Variants in LAMA2 observed in about 807,000 individuals in gnomAD.
The protein encoded by LAMA2 is laminin subunit alpha 2, also known as laminin subunit alpha-2.
LAMA2 carries 269 observed loss-of-function variants against 364.8 expected under a neutral mutation model. The observed-to-expected ratio is 0.74, with a 90% CI of 0.67 to 0.82. The LOEUF (loss-of-function observed/expected upper bound fraction) is 0.82, where lower values mean the gene tolerates loss of function less well. Ranked by LOEUF, LAMA2 falls within the 40% of genes least tolerant of loss-of-function variation. LAMA2 has a pLI of 0.00. For missense variants in LAMA2, 3,807 were observed against 3,873.2 expected (o/e 0.98, Z 0.45); for synonymous variants, 1,379 against 1,370.6 (o/e 1.01, Z -0.14).
chr6:129,386,219 A>G (rs1779006861), intron 35 of LAMA2, among the ~76,000 whole-genome samples: 1 of 152,130 alleles, frequency 6.6e-6, no homozygotes, highest in Non-Finnish European at 1.5e-5. Context: ...ATCATTTTCA[A>G]TACTGTGGGA....
At chr6:129,282,791 T>C (rs1004986724) in intron 18 of LAMA2, among the ~76,000 whole-genome samples, 1 of 152,192 alleles carries the variant, frequency 6.6e-6, no homozygotes, top group African/African-American at 2.4e-5. Flanking sequence ...TTTTTCCATC[T>C]GCCTTTCCAA....
intron 1 of LAMA2, among the ~76,000 whole-genome samples, chr6:128,935,064 G>A (rs1336011631): frequency 6.6e-6 from 1 of 151,774 alleles, no homozygotes; most frequent in East Asian, 1.9e-4. Context: ...TATTGCTTTG[G>A]TTTCTTATTA....
intron 3 of LAMA2, among the ~76,000 whole-genome samples, chr6:129,095,914 C>G (rs768491498): frequency 1.3e-5 from 2 of 149,690 alleles, no homozygotes; most frequent in Non-Finnish European, 1.5e-5. Flanking sequence ...CAGAGCAGGA[C>G]GCAGTCTGGA....
intron 3 of LAMA2, among the ~76,000 whole-genome samples, chr6:129,085,222 G>A (rs1249192591): frequency 6.6e-6 from 1 of 152,192 alleles, no homozygotes; most frequent in Admixed American, 6.5e-5. Flanking sequence ...AGAATTTCAT[G>A]ACATTTTGTC....
chr6:128,983,083 G>T (rs1251191535), intron 1 of LAMA2, among the ~76,000 whole-genome samples: 1 of 151,872 alleles, frequency 6.6e-6, no homozygotes, highest in Non-Finnish European at 1.5e-5. Flanking sequence ...ACGTGTGCAT[G>T]TGTCTTTATA....
rs185964256 is a variant in LAMA2 at position 129,220,977 on chromosome 6, C to T, written c.1782+28124C>T. On this transcript the variant is annotated intron_variant, in intron 12 of 64. Coordinates refer to ENST00000421865, the MANE Select transcript of LAMA2 (RefSeq NM_000426.4). The stretch of plus-strand genomic sequence containing the variant: ...AGGAGTTCAAGACCAGCCTTGCCAA[C>T]GCGGTGAAACCCTGTCTCTACTAAA... 1.5e-4 allele frequency among the ~76,000 whole-genome samples: 23 copies of T among 152,178 alleles called. 2 individuals carry two copies. Among genetic ancestry groups the T allele is most frequent in the Admixed American group, 1.1e-3 (17 of 15,278 alleles).
Position 129,285,369 on chromosome 6 carries a change from A to G in LAMA2, c.2538-2478A>G, listed in dbSNP as rs562454478. ...CACAAATTTTCCTTACACGTCCTGCAAGAAAAAATAAATAAAAGACAGATG... is the reference window on the plus strand; with the variant it reads ...CACAAATTTTCCTTACACGTCCTGCGAGAAAAAATAAATAAAAGACAGATG... On this transcript the variant is annotated intron_variant, in intron 18 of 64. Coordinates refer to ENST00000421865, the MANE Select transcript of LAMA2 (RefSeq NM_000426.4). Among the ~76,000 whole-genome samples, 21 of 152,274 alleles carry G rather than the reference A, an allele frequency of 1.4e-4. 1 individual carries two copies. The South Asian group carries it at 4.4e-3, about 32-fold the overall frequency.
chr6:129,358,320 T>C (rs570856838), intron 32 of LAMA2, among the ~76,000 whole-genome samples: 4 of 152,162 alleles, frequency 2.6e-5, no homozygotes, highest in African/African-American at 9.6e-5. Flanking sequence ...GCTGTTCTGC[T>C]AGCTGATTAA....
intron 9 of LAMA2, 69 bp downstream of exon 9, chr6:129,165,744 A>G: frequency 2.1e-6 from 2 of 943,410 alleles, no homozygotes; most frequent in Non-Finnish European, 1.7e-6. Flanking sequence ...GATTATTTTC[A>G]GAAGAATATT....
At chr6:129,243,902 A>G (rs1785562703) in intron 12 of LAMA2, among the ~76,000 whole-genome samples, 2 of 151,966 alleles carry the variant, frequency 1.3e-5, no homozygotes, top group Non-Finnish European at 1.5e-5. Flanking sequence ...ATGAAGAAGA[A>G]AGCTAAGGAG....
chr6:129,051,408 G>A (rs765359968), intron 2 of LAMA2, among the ~76,000 whole-genome samples: 139 of 146,912 alleles, frequency 9.5e-4, no homozygotes, highest in Non-Finnish European at 1.6e-3. Flanking sequence ...CATCTCCCGG[G>A]TTCAAGCAAT....
chr6:129,493,408 C>G (rs1456029789), intron 58 of LAMA2, among the ~76,000 whole-genome samples: 3 of 152,172 alleles, frequency 2.0e-5, no homozygotes, highest in Non-Finnish European at 4.4e-5. Context: ...AGTTTCCCAT[C>G]CAAGTACTAA....
At chr6:128,980,045 C>T (rs1466145799) in intron 1 of LAMA2, among the ~76,000 whole-genome samples, 1 of 152,132 alleles carries the variant, frequency 6.6e-6, no homozygotes, top group African/African-American at 2.4e-5. Flanking sequence ...ACTTTTTTCT[C>T]CCACTCACAA....
At chr6:129,172,776 T>A (rs1157496334) in intron 9 of LAMA2, among the ~76,000 whole-genome samples, 1 of 152,242 alleles carries the variant, frequency 6.6e-6, no homozygotes, top group Non-Finnish European at 1.5e-5. Flanking sequence ...CCAGCCTCGC[T>A]GCTGCCTTGC....
chr6:128,951,821 A>G (rs1200070634), intron 1 of LAMA2, among the ~76,000 whole-genome samples: 3 of 152,022 alleles, frequency 2.0e-5, no homozygotes, highest in Non-Finnish European at 4.4e-5. Flanking sequence ...TTATTTATTT[A>G]TTTTTAAATT....
At chr6:129,126,464 TA>T (rs1359731154) in intron 4 of LAMA2, among the ~76,000 whole-genome samples, 1 of 152,218 alleles carries the variant, frequency 6.6e-6, no homozygotes, top group Non-Finnish European at 1.5e-5. Context: ...GAGTCTGGCT[TA>T]TCATAATGGG....
intron 12 of LAMA2, among the ~76,000 whole-genome samples, chr6:129,200,433 C>CACATAT (rs1782198138): frequency 1.4e-5 from 2 of 147,828 alleles, no homozygotes; most frequent in Admixed American, 1.4e-4. Flanking sequence ...TATATGTGTA[C>CACATAT]ACATATACAT....
intron 1 of LAMA2, among the ~76,000 whole-genome samples, chr6:128,983,589 G>T (rs78627934): frequency 0.025 from 3,758 of 152,254 alleles, 167 homozygotes; most frequent in African/African-American, 0.085. Context: ...TGCAAGAATG[G>T]TAGGAAAGGA....
chr6:128,949,034 G>C (rs994692865), intron 1 of LAMA2, among the ~76,000 whole-genome samples: 2 of 152,114 alleles, frequency 1.3e-5, no homozygotes, highest in Admixed American at 1.3e-4. Context: ...ACATCCCCCC[G>C]ATGTAGGATA....
Sources: allele counts gnomAD v4.1 joint callset (sites outside exome capture counted in the v4.1 genomes callset), GRCh38; gene constraint gnomAD v4.1.1; transcripts MANE v1.5; gene names NCBI Gene and HGNC (gene_info 2026-07-23, HGNC 2026-07-21).